The following JPH2 variants were observed in gnomAD, a reference collection of about 807,000 sequenced individuals.
JPH2 encodes junctophilin 2.
In JPH2, 38 loss-of-function variants were observed where a neutral mutation model predicts 55.9. The observed-to-expected ratio is 0.68, with a 90% CI of 0.52 to 0.89. The LOEUF (loss-of-function observed/expected upper bound fraction) is 0.89, where lower values mean the gene tolerates loss of function less well. Ranked by LOEUF, JPH2 falls within the 40% of genes least tolerant of loss-of-function variation. JPH2 has a pLI of 0.00. For synonymous variants in JPH2, 480 were observed against 472.4 expected, an observed-to-expected ratio of 1.02 and a Z score of -0.21; for missense variants, 964 against 1,037.6, an observed-to-expected ratio of 0.93 and a Z score of 0.97.
intron 2 of JPH2, among the ~76,000 whole-genome samples, chr20:44,146,548 G>A (rs2072495449): frequency 6.6e-6 from 1 of 152,232 alleles, no homozygotes; most frequent in African/African-American, 2.4e-5. Flanking sequence ...GAGGGATGTG[G>A]TGAAGGGCAG....
rs1438614575 is a variant in JPH2 at position 44,160,590 on chromosome 20, G to T, written c.380-183C>A. On this transcript the variant is annotated intron_variant, in intron 1 of 5. Coordinates refer to ENST00000372980, the MANE Select transcript of JPH2 (RefSeq NM_020433.5). This position sits in a 1 kb window ranked among gnomAD's most constrained non-coding sequence, Gnocchi z 4.9. ...AGTCTACTCGAGTGTGCAATAACAC[G>T]AGTGGGTGAGCCAGGAGGAGCTTGC... is the stretch of plus-strand genomic sequence containing the variant. 1.3e-5 allele frequency among the ~76,000 whole-genome samples: 2 copies of T among 152,222 alleles called. No individual in the cohort carries two copies. The highest frequency in any genetic ancestry group is 2.9e-5 in the Non-Finnish European group (2 of 68,030).
At chr20:44,125,332 C>CAATG (rs1394400421) in intron 2 of JPH2, among the ~76,000 whole-genome samples, 3 of 136,970 alleles carry the variant, frequency 2.2e-5, no homozygotes, top group Non-Finnish European at 4.8e-5. Context: ...TGTATTCACT[C>CAATG]AATGAATGTC....
At chr20:44,120,991 C>CA (rs1159597845) in intron 2 of JPH2, among the ~76,000 whole-genome samples, 2 of 152,190 alleles carry the variant, frequency 1.3e-5, no homozygotes, top group Admixed American at 1.3e-4. Flanking sequence ...TAAACAGACA[C>CA]AAAAACTATT....
Position 44,111,067 on chromosome 20 carries a change from A to G in JPH2, c.*2451T>C, listed in dbSNP as rs1287353092. On this transcript the variant is annotated 3_prime_UTR_variant, in exon 6 of 6. Transcript: ENST00000372980. ...CAAGAGAACTGCTTTCCTGCCACCAACTTGCTGTGTGCGTGACCTTGGGCA... is the reference window on the plus strand; with the variant it reads ...CAAGAGAACTGCTTTCCTGCCACCAGCTTGCTGTGTGCGTGACCTTGGGCA... 6.6e-6 allele frequency among the ~76,000 whole-genome samples: 1 copy of G among 152,208 alleles called. No individual in the cohort carries two copies. The highest frequency in any genetic ancestry group is 2.4e-5 in the African/African-American group (1 of 41,450).
rs2145838750 is a variant in JPH2, at chr20:44,116,238, C to A, written c.1437G>T (p.Arg479=). The change falls in exon 4 of 6, where the codon CGG becomes CGT. Residue 479 remains arginine (R), a synonymous_variant. Coordinates refer to ENST00000372980, the MANE Select transcript of JPH2 (RefSeq NM_020433.5). ...CCGGTGACGGGGAGCCACCCTCGGGCCGAGGGGTCTCACGCTCGTGCAGCT... is the reference window on the plus strand; with the variant it reads ...CCGGTGACGGGGAGCCACCCTCGGGACGAGGGGTCTCACGCTCGTGCAGCT... ...SPQLHERETP[R]PEGGSPSPAG... 6.9e-7 allele frequency: 1 copy of A among 1,459,584 alleles called. No individual in the cohort carries two copies. Among genetic ancestry groups the A allele is most frequent in the Non-Finnish European group, 9.0e-7 (1 of 1,114,622 alleles). 90.4% of individuals were successfully genotyped at this position (1,459,584 alleles called of 1,614,324 possible). A position where few individuals can be genotyped will look rare whatever the true frequency, so the allele number is the denominator to read the frequency against.
At position 44,116,177 on chromosome 20, in the gene JPH2, C is replaced by T. The variant is rs2072190240; in HGVS notation, c.1498G>A (p.Gly500Arg). The T allele has an allele frequency of 1.4e-6, 2 of 1,391,456 alleles. No individual in the cohort carries two copies. Among genetic ancestry groups the T allele is most frequent in the Non-Finnish European group, 1.8e-6 (2 of 1,084,414 alleles). The allele number at this position is 1,391,456 out of a possible 1,614,324, so 86.2% of individuals were successfully genotyped here. ...TPPQPKRPRP[G>R]VSKDGLLSPG... The stretch of plus-strand genomic sequence containing the variant: ...CTCAGCAGGCCGTCCTTGGACACCC[C>T]GGGCCTGGGCCGCTTGGGCTGCGGG... Residue 500 changes from glycine (G) to arginine (R), a missense_variant, in exon 4 of 6, where the codon GGG becomes AGG. Gly to Arg is a moderately radical substitution (Grantham distance 125, BLOSUM62 -2). Transcript: ENST00000372980.
At position 44,186,668 on chromosome 20, in the gene JPH2, GC is replaced by G. The variant is rs1464025762; in HGVS notation, c.37del (p.Ala13ArgfsTer62). On this transcript the variant is annotated frameshift_variant, in exon 1 of 6. Coordinates refer to ENST00000372980, the MANE Select transcript of JPH2 (RefSeq NM_020433.5). LOFTEE classifies it high-confidence loss of function. ...GGRFDFDDGGAYCGGWEGGKA... is the reference protein window; with the variant it reads ...GGRFDFDDGGXYCGGWEGGKA... ...TCCCCCCTCCCAGCCCCCGCAGTACGCCCCTCCATCATCAAAGTCGAAGCGG... is the reference window on the plus strand; with the variant it reads ...TCCCCCCTCCCAGCCCCCGCAGTACGCCCTCCATCATCAAAGTCGAAGCGG... 1 of 1,578,456 alleles carries G rather than the reference GC, an allele frequency of 6.3e-7. No homozygotes were observed. Among genetic ancestry groups the G allele is most frequent in the Non-Finnish European group, 8.6e-7 (1 of 1,166,426 alleles).
chr20:44,115,282 C>T (rs1013410641), intron 4 of JPH2, among the ~76,000 whole-genome samples: 8 of 152,078 alleles, frequency 5.3e-5, no homozygotes, highest in African/African-American at 1.4e-4. Flanking sequence ...GCCCTTCTTC[C>T]ACCTCCATGA....
intron 2 of JPH2, among the ~76,000 whole-genome samples, chr20:44,122,599 T>A (rs1325342776): frequency 6.6e-6 from 1 of 152,194 alleles, no homozygotes; most frequent in Admixed American, 6.5e-5. Flanking sequence ...GGTGCATGCA[T>A]GGCTTTACCT....
chr20:44,174,639 T>C (rs888317980), intron 1 of JPH2, among the ~76,000 whole-genome samples: 7 of 152,090 alleles, frequency 4.6e-5, no homozygotes, highest in African/African-American at 1.2e-4. Context: ...CCAGGTGTGG[T>C]GGCGCTTGCC....
In JPH2 at chr20:44,165,663, C is replaced by T. The variant is rs376532209; in HGVS notation, c.380-5256G>A. 9.2e-5 allele frequency among the ~76,000 whole-genome samples: 14 copies of T among 152,262 alleles called. No individual in the cohort carries two copies. The East Asian group carries it at 2.5e-3, about 27-fold the overall frequency. ...CATTCACTCCTCTGTGCTCCTCTCC[C>T]GCCATCCTCCCCTTTCCCTCACTGC... On this transcript the variant is annotated intron_variant, in intron 1 of 5. Coordinates refer to ENST00000372980, the MANE Select transcript of JPH2 (RefSeq NM_020433.5).
At chr20:44,147,987 AC>A (rs1199774134) in intron 2 of JPH2, among the ~76,000 whole-genome samples, 1 of 152,126 alleles carries the variant, frequency 6.6e-6, no homozygotes, top group African/African-American at 2.4e-5. Context: ...ACATGGTGAA[AC>A]CTTGTTTCTA....
chr20:44,177,735 C>T (rs2072746684), intron 1 of JPH2: 5 of 1,397,918 alleles, frequency 3.6e-6, no homozygotes, highest in Non-Finnish European at 3.7e-6. Context: ...CTAAGCGAAT[C>T]AAAGTCTTGT....
intron 2 of JPH2, among the ~76,000 whole-genome samples, chr20:44,151,990 A>C (rs976571119): frequency 5.9e-5 from 9 of 152,314 alleles, no homozygotes; most frequent in Non-Finnish European, 8.8e-5. Flanking sequence ...CCTCTGGGAC[A>C]GCTAGTTGCT....
At position 44,187,113 on chromosome 20, in the gene JPH2, G is replaced by A. The variant is rs2072855625; in HGVS notation, c.-408C>T. 5.4e-6 allele frequency: 1 copy of A among 184,580 alleles called. No homozygotes were observed. The highest frequency in any genetic ancestry group is 2.4e-5 in the African/African-American group (1 of 42,092). 11.4% of individuals were successfully genotyped at this position (184,580 alleles called of 1,614,324 possible). On this transcript the variant is annotated 5_prime_UTR_variant, in exon 1 of 6. Coordinates refer to ENST00000372980, the MANE Select transcript of JPH2 (RefSeq NM_020433.5). ...TCAAAGAGGGGAAATTCCCCTCGGT[G>A]GCAGCCCCCGCCGGAGGCTGAATTC...
At chr20:44,122,950 CT>C (rs11452236) in intron 2 of JPH2, among the ~76,000 whole-genome samples, 1 of 151,986 alleles carries the variant, frequency 6.6e-6, no homozygotes, top group Non-Finnish European at 1.5e-5. Context: ...AGAAAATGCC[CT>C]TTTTTTGGTC....
chr20:44,186,079 A>G (rs1201095317), intron 1 of JPH2, among the ~76,000 whole-genome samples: 1 of 152,120 alleles, frequency 6.6e-6, no homozygotes, highest in African/African-American at 2.4e-5. Flanking sequence ...TTGAGTGTGC[A>G]CTTACATGGC....
At chr20:44,138,148 C>T (rs1056326659) in intron 2 of JPH2, among the ~76,000 whole-genome samples, 98 of 151,438 alleles carry the variant, frequency 6.5e-4, no homozygotes, top group African/African-American at 2.3e-3. Context: ...GCGGGGATTA[C>T]AGGTGCCCGC....
rs1360677330 is a variant in JPH2 at position 44,115,208 on chromosome 20, T to C, written c.2011-332A>G. Among the ~76,000 whole-genome samples, 4 of 152,154 alleles carry C rather than the reference T, an allele frequency of 2.6e-5. No homozygotes were observed. In the East Asian group the frequency reaches 7.7e-4, roughly 29 times the overall value. On this transcript the variant is annotated intron_variant, in intron 4 of 5. Coordinates refer to ENST00000372980, the MANE Select transcript of JPH2 (RefSeq NM_020433.5). ...CCCCAAAGCCCAGCTTCAGTCTTTG[T>C]TGCCGCCGTTCCTAGCTCCCTGCCT... is the stretch of plus-strand genomic sequence containing the variant.
Sources: allele counts gnomAD v4.1 joint callset (sites outside exome capture counted in the v4.1 genomes callset), GRCh38; gene constraint gnomAD v4.1.1; non-coding constraint Gnocchi (gnomAD v3.1); transcripts MANE v1.5; gene names NCBI Gene and HGNC (gene_info 2026-07-23, HGNC 2026-07-21).